Variants in MMS22L observed in about 807,000 individuals in gnomAD.
MMS22L encodes protein MMS22-like.
A neutral mutation model predicts 159.1 loss-of-function variants in MMS22L; 74 were observed. The ratio of observed to expected loss-of-function variants is 0.47; its 90% CI spans 0.39 to 0.56. The LOEUF (loss-of-function observed/expected upper bound fraction) is 0.56. Ranked by LOEUF, MMS22L falls within the 20% of genes least tolerant of loss-of-function variation. The pLI is 0.00. For missense variants in MMS22L, 1,351 were observed against 1,422.1 expected, an observed-to-expected ratio of 0.95 and a Z score of 0.80; for synonymous variants, 517 against 506.9, an observed-to-expected ratio of 1.02 and a Z score of -0.27.
intron 16 of MMS22L, among the ~76,000 whole-genome samples, chr6:97,181,062 G>A (rs915505840): frequency 6.6e-6 from 1 of 152,128 alleles, no homozygotes; most frequent in African/African-American, 2.4e-5. Context: ...TGCTAAGGAC[G>A]AAGACAGGAA....
In MMS22L at chr6:97,200,461, A is replaced by G. The variant is rs531048438; in HGVS notation, c.2040-13771T>C. ...GAGCCTCAAAGGCGTTTATTATAGC[A>G]CTAATTTCTTTTTGCAAGGCTTCAG... On this transcript the variant is annotated intron_variant, in intron 14 of 24. Transcript: ENST00000683635. 1.7e-3 allele frequency among the ~76,000 whole-genome samples: 266 copies of G among 152,234 alleles called. 1 individual carries two copies. The highest frequency in any genetic ancestry group is 6.2e-3 in the African/African-American group (259 of 41,560).
chr6:97,195,937 T>C (rs934042358), intron 14 of MMS22L, among the ~76,000 whole-genome samples: 3 of 152,196 alleles, frequency 2.0e-5, no homozygotes, highest in Non-Finnish European at 4.4e-5. Flanking sequence ...CAGCCTGTCA[T>C]TGCCAAATTT....
chr6:97,246,400 C>A (rs941801670), intron 11 of MMS22L, among the ~76,000 whole-genome samples: 1 of 152,142 alleles, frequency 6.6e-6, no homozygotes, highest in African/African-American at 2.4e-5. Flanking sequence ...ATTTTGAATA[C>A]ATTTTGTCAA....
intron 18 of MMS22L, among the ~76,000 whole-genome samples, chr6:97,175,213 G>A (rs944283215): frequency 2.0e-5 from 3 of 152,138 alleles, no homozygotes; most frequent in African/African-American, 7.2e-5. Flanking sequence ...AACAAATTTA[G>A]TGAGAAAAGT....
At position 97,221,285 on chromosome 6, in the gene MMS22L, A is replaced by G. The variant is rs182370411; in HGVS notation, c.2039+7609T>C. Among the ~76,000 whole-genome samples the G allele has an allele frequency of 7.3e-3, 1,107 of 152,226 alleles. 16 individuals are homozygous for G. The highest frequency in any genetic ancestry group is 0.025 in the African/African-American group (1,034 of 41,550). On this transcript the variant is annotated intron_variant, in intron 14 of 24. Coordinates refer to ENST00000683635, the MANE Select transcript of MMS22L (RefSeq NM_001350599.2). ...TGAATCGCTTTATACTTATTTAAGGAAAACTCGTATCTATGTACCGGATTT... is the reference window on the plus strand; with the variant it reads ...TGAATCGCTTTATACTTATTTAAGGGAAACTCGTATCTATGTACCGGATTT...
At chr6:97,259,109 T>C (rs1054094445) in intron 9 of MMS22L, 2 of 152,182 alleles carry the variant, frequency 1.3e-5, no homozygotes, top group African/African-American at 2.4e-5. Context: ...TGAACACATA[T>C]ATATACACAC....
rs1369712399 is a variant in MMS22L at position 97,145,359 on chromosome 6, T to C, written c.*1447A>G. 6.6e-6 allele frequency: 1 copy of C among 152,162 alleles called. No individual in the cohort carries two copies. Among genetic ancestry groups the C allele is most frequent in the African/African-American group, 2.4e-5 (1 of 41,442 alleles). 9.4% of individuals were successfully genotyped at this position (152,162 alleles called of 1,614,324 possible). ...AACGCTATTAACTACAGAATACTGATTGCAAAGTATTTCATTTTTAAAGAT... is the reference window on the plus strand; with the variant it reads ...AACGCTATTAACTACAGAATACTGACTGCAAAGTATTTCATTTTTAAAGAT... On this transcript the variant is annotated 3_prime_UTR_variant, in exon 25 of 25. Transcript: ENST00000683635.
intron 11 of MMS22L, among the ~76,000 whole-genome samples, chr6:97,236,575 T>C (rs1203469503): frequency 6.6e-6 from 1 of 152,152 alleles, no homozygotes; most frequent in Non-Finnish European, 1.5e-5. Flanking sequence ...TAAAGATGTT[T>C]CTTATGGAGT....
chr6:97,277,219 C>A (rs1474178370), intron 4 of MMS22L, among the ~76,000 whole-genome samples: 1 of 151,972 alleles, frequency 6.6e-6, no homozygotes, highest in Non-Finnish European at 1.5e-5. Context: ...TCGACACCAG[C>A]CTGACCAACA....
In MMS22L at chr6:97,210,817, C is replaced by T. The variant is rs1179257936; in HGVS notation, c.2039+18077G>A. ...CTACTGTAATATAATTCTGAAATAG[C>T]TGGACCATTAATTCAACCTAATATA... On this transcript the variant is annotated intron_variant, in intron 14 of 24. Transcript: ENST00000683635. Among the ~76,000 whole-genome samples the T allele has an allele frequency of 2.0e-5, 3 of 152,100 alleles. No homozygotes were observed. The East Asian group carries it at 5.8e-4, about 29-fold the overall frequency.
Position 97,272,323 on chromosome 6 carries a change from C to G in MMS22L, c.606+381G>C, listed in dbSNP as rs111665102. 5.7e-3 allele frequency: 888 copies of G among 154,952 alleles called. 13 individuals carry two copies. Among genetic ancestry groups the G allele is most frequent in the African/African-American group, 0.02 (830 of 41,592 alleles). The allele number at this position is 154,952 out of a possible 1,614,324, so 9.6% of individuals were successfully genotyped here. A position where few individuals can be genotyped will look rare whatever the true frequency, so the allele number is the denominator to read the frequency against. On this transcript the variant is annotated intron_variant, in intron 6 of 24. Transcript: ENST00000683635. ...TTTTTTTTATAAGCTGATCTTGAAT[C>G]TTACTGTAATATATGATAAAAATTT... is the stretch of plus-strand genomic sequence containing the variant.
At chr6:97,251,173 G>A (rs1477988740) in intron 10 of MMS22L, among the ~76,000 whole-genome samples, 1 of 152,136 alleles carries the variant, frequency 6.6e-6, no homozygotes, top group Admixed American at 6.5e-5. Flanking sequence ...AAGTGGGACT[G>A]TCTGTACCTG....
intron 14 of MMS22L, among the ~76,000 whole-genome samples, chr6:97,213,274 C>T (rs373531789): frequency 2.1e-3 from 313 of 152,180 alleles, no homozygotes; most frequent in Non-Finnish European, 3.1e-3. Flanking sequence ...GGCATGATGG[C>T]GCATGCCTGT....
At chr6:97,250,590 G>A (rs1029976670) in intron 10 of MMS22L, among the ~76,000 whole-genome samples, 4 of 151,990 alleles carry the variant, frequency 2.6e-5, no homozygotes, top group African/African-American at 9.7e-5. Flanking sequence ...AAACAGAAAC[G>A]TAAGAAAATC....
At chr6:97,209,859 G>T (rs1808185082) in intron 14 of MMS22L, among the ~76,000 whole-genome samples, 1 of 151,822 alleles carries the variant, frequency 6.6e-6, no homozygotes, top group East Asian at 1.9e-4. Context: ...TACATAAAGT[G>T]AGAAAAAGCA....
chr6:97,202,616 A>G (rs1490973510), intron 14 of MMS22L, among the ~76,000 whole-genome samples: 2 of 152,118 alleles, frequency 1.3e-5, no homozygotes, highest in Non-Finnish European at 2.9e-5. Flanking sequence ...TTTGGTGATG[A>G]AAAAATGGAC....
intron 14 of MMS22L, among the ~76,000 whole-genome samples, chr6:97,201,500 T>C (rs1022203769): frequency 3.9e-5 from 6 of 152,202 alleles, no homozygotes; most frequent in Admixed American, 3.9e-4. Flanking sequence ...TTAGACCCAA[T>C]AGTTTATTAG....
At chr6:97,197,775 T>C (rs1251499875) in intron 14 of MMS22L, among the ~76,000 whole-genome samples, 1 of 152,162 alleles carries the variant, frequency 6.6e-6, no homozygotes, top group Non-Finnish European at 1.5e-5. Context: ...GAACAAAATA[T>C]TTATGGAATA....
chr6:97,226,543 G>A (rs529620640), intron 14 of MMS22L, among the ~76,000 whole-genome samples: 3 of 152,190 alleles, frequency 2.0e-5, no homozygotes, highest in East Asian at 1.9e-4. Context: ...GCAGTGAGCC[G>A]AGATGGCGCC....
Sources: allele counts gnomAD v4.1 joint callset (sites outside exome capture counted in the v4.1 genomes callset), GRCh38; gene constraint gnomAD v4.1.1; transcripts MANE v1.5; gene names NCBI Gene and HGNC (gene_info 2026-07-23, HGNC 2026-07-21).